FAIM: variants seen among roughly 807,000 people sequenced by gnomAD.
The protein encoded by FAIM is Fas apoptotic inhibitory molecule, also known as fas apoptotic inhibitory molecule 1.
A neutral mutation model predicts 21.2 loss-of-function variants in FAIM; 14 were observed. The observed-to-expected ratio is 0.66, with a 90% CI of 0.44 to 1.03. The LOEUF (loss-of-function observed/expected upper bound fraction) is 1.03, where lower values mean the gene tolerates loss of function less well. FAIM is among the 50% of genes least tolerant of loss of function. The pLI, the probability that FAIM is intolerant of heterozygous loss-of-function variation, is 0.00. For synonymous variants in FAIM, 86 were observed against 80.4 expected, an observed-to-expected ratio of 1.07 and a Z score of -0.37; for missense variants, 222 against 247.1, an observed-to-expected ratio of 0.90 and a Z score of 0.68.
chr3:138,625,965 C>T (rs2042934316), intron 4 of FAIM, among the ~76,000 whole-genome samples: 1 of 152,136 alleles, frequency 6.6e-6, no homozygotes, highest in African/African-American at 2.4e-5. Flanking sequence ...GTAGTCTCCA[C>T]ACCACTGAAT....
At chr3:138,632,253 C>T (rs2043013649) in intron 5 of FAIM, among the ~76,000 whole-genome samples, 1 of 151,116 alleles carries the variant, frequency 6.6e-6, no homozygotes, top group Non-Finnish European at 1.5e-5. Flanking sequence ...AATCAATATA[C>T]CAAAAATAGT....
intron 1 of FAIM, among the ~76,000 whole-genome samples, chr3:138,609,607 T>TCGA (rs1217242756): frequency 1.2e-4 from 10 of 84,176 alleles, no homozygotes; most frequent in African/African-American, 5.5e-4. Context: ...TCTCTCTCTC[T>TCGA]CTCTCGACTC....
chr3:138,621,155 A>G (rs2042880389), intron 2 of FAIM: 1 of 422,930 alleles, frequency 2.4e-6, no homozygotes, highest in South Asian at 2.7e-5. Context: ...TCTTAATCCT[A>G]TTAATATTAA....
chr3:138,610,851 G>C (rs1230969622), intron 1 of FAIM: 12 of 887,358 alleles, frequency 1.4e-5, no homozygotes, highest in Non-Finnish European at 2.0e-5. Context: ...CCAAAGTGCT[G>C]GGATTACGGG....
At position 138,622,744 on chromosome 3, in the gene FAIM, A is replaced by G. The variant is rs148671976; in HGVS notation, c.406+328A>G. 2.9e-3 allele frequency among the ~76,000 whole-genome samples: 437 copies of G among 152,108 alleles called. 1 individual carries two copies. The highest frequency in any genetic ancestry group is 9.9e-3 in the African/African-American group (411 of 41,544). On this transcript the variant is annotated intron_variant, in intron 4 of 5. Transcript: ENST00000360570. ...TGAGGATTATAAATTTAGGTTTTAA[A>G]AAAATGTAATATTGCCAGGCGCAGT...
At chr3:138,621,206 T>A in intron 2 of FAIM, 1 of 572,252 alleles carries the variant, frequency 1.7e-6, no homozygotes, top group Non-Finnish European at 3.1e-6. Flanking sequence ...TGTACCCATA[T>A]ATAGTAGTTG....
intron 2 of FAIM, among the ~76,000 whole-genome samples, 178 bp downstream of exon 2, chr3:138,619,948 C>T (rs1419911990): frequency 2.0e-5 from 3 of 152,172 alleles, no homozygotes; most frequent in East Asian, 3.8e-4. Context: ...TGGAGGTAGC[C>T]ACTAGAAACA....
chr3:138,618,408 TG>T (rs1227986908), intron 1 of FAIM, among the ~76,000 whole-genome samples: 1 of 152,206 alleles, frequency 6.6e-6, no homozygotes, highest in Non-Finnish European at 1.5e-5. Flanking sequence ...GGCTCATGCC[TG>T]TAATCCCAGC....
intron 1 of FAIM, among the ~76,000 whole-genome samples, chr3:138,609,543 T>TCTCTCTC (rs2042731936): frequency 5.5e-5 from 1 of 18,268 alleles, no homozygotes. Flanking sequence ...ACTCTCTCTC[T>TCTCTCTC]CTCTCTCTCT....
intron 4 of FAIM, among the ~76,000 whole-genome samples, chr3:138,628,773 G>A (rs1025330435): frequency 7.2e-5 from 11 of 152,010 alleles, no homozygotes; most frequent in Admixed American, 3.9e-4. Flanking sequence ...GTGAGCCACC[G>A]CGCCCGGCCT....
In FAIM at chr3:138,622,196, A is replaced by G; in HGVS notation, c.186A>G (p.Ile62Met). The G allele has an allele frequency of 6.2e-7, 1 of 1,602,476 alleles. No homozygotes were observed. Among genetic ancestry groups the G allele is most frequent in the Non-Finnish European group, 8.5e-7 (1 of 1,176,622 alleles). Residue 62 changes from isoleucine to methionine, a missense_variant, in exon 4 of 6, where the codon ATA becomes ATG. By Grantham distance (10) the Ile-to-Met change is conservative (BLOSUM62 1). Transcript: ENST00000360570. ...TCTGTTTTATTATGTAGGAAGAGAT[A>G]AGAAAAGAGTGGATGTTCAAATTAG... is the stretch of plus-strand genomic sequence containing the variant. ...RVVYVDGKEE[I>M]RKEWMFKLVG...
intron 1 of FAIM, chr3:138,611,151 T>C: frequency 1.2e-6 from 1 of 852,286 alleles, no homozygotes; most frequent in Non-Finnish European, 1.9e-6. Context: ...TAGAGATCTA[T>C]GTGACAGATA....
At chr3:138,628,509 G>C (rs1284468071) in intron 4 of FAIM, among the ~76,000 whole-genome samples, 2 of 150,084 alleles carry the variant, frequency 1.3e-5, no homozygotes, top group Admixed American at 1.3e-4. Flanking sequence ...TTTTGAGATG[G>C]AGTCTTTCTC....
chr3:138,629,332 G>A (rs936825632), intron 5 of FAIM, 176 bp downstream of exon 5: 7 of 503,686 alleles, frequency 1.4e-5, no homozygotes, highest in Non-Finnish European at 2.1e-5. Flanking sequence ...ATGGTGCCTG[G>A]TACCGTGAGT....
intron 1 of FAIM, among the ~76,000 whole-genome samples, chr3:138,613,569 G>A (rs755498031): frequency 3.9e-5 from 6 of 152,046 alleles, no homozygotes; most frequent in Non-Finnish European, 7.4e-5. Context: ...CTGCAGCCTT[G>A]ACCTCTCAGG....
chr3:138,622,237 T>G lies in FAIM; in HGVS notation c.227T>G (p.Phe76Cys), dbSNP rs1181304613. ...TTCAAATTAGTGGGCAAAGAAACAT[T>G]CTATGTTGGAGCTGCAAAGACAAAA... is the stretch of plus-strand genomic sequence containing the variant. Reference protein sequence around the residue: ...WMFKLVGKETFYVGAAKTKAT... With the variant: ...WMFKLVGKETCYVGAAKTKAT... The change falls in exon 4 of 6, where the codon TTC becomes TGC. Residue 76 changes from phenylalanine to cysteine, a missense_variant. Physicochemically the swap from Phe to Cys is radical, Grantham distance 205 (BLOSUM62 -2). Coordinates refer to ENST00000360570, the MANE Select transcript of FAIM (RefSeq NM_001033031.2). The G allele has an allele frequency of 6.2e-7, 1 of 1,613,650 alleles. No individual in the cohort carries two copies. Among genetic ancestry groups the G allele is most frequent in the African/African-American group, 1.3e-5 (1 of 75,018 alleles).
intron 5 of FAIM, among the ~76,000 whole-genome samples, chr3:138,631,410 T>C (rs1204503419): frequency 6.6e-6 from 1 of 152,194 alleles, no homozygotes; most frequent in East Asian, 1.9e-4. Context: ...AGCAAGACCC[T>C]GTCACACACA....
In FAIM at chr3:138,616,586, T is replaced by C. The variant is rs558498597; in HGVS notation, c.-16-3125T>C. Among the ~76,000 whole-genome samples the C allele has an allele frequency of 9.2e-5, 14 of 152,280 alleles. No individual in the cohort carries two copies. In the South Asian group the frequency reaches 1.9e-3, roughly 20 times the overall value. ...GTTGACCAGGCTGGTCTCGAGTTCCTGGCTTCAAATGATTCTCCTGTCTCA... is the reference window on the plus strand; with the variant it reads ...GTTGACCAGGCTGGTCTCGAGTTCCCGGCTTCAAATGATTCTCCTGTCTCA... On this transcript the variant is annotated intron_variant, in intron 1 of 5. Transcript: ENST00000360570.
rs1040313311 is a variant in FAIM, at chr3:138,629,099, C to G, written c.407-8C>G. On this transcript the variant is annotated splice_polypyrimidine_tract_variant and splice_region_variant and intron_variant, in intron 4 of 5. Transcript: ENST00000360570. ...TTATAACTTAAAGTTTTTATGTTAC[C>G]TTTACAGAAAAAGATGCTATGGACG... 3 of 1,595,874 alleles carry G rather than the reference C, an allele frequency of 1.9e-6. No homozygotes were observed. In the African/African-American group the frequency reaches 4.2e-5, roughly 22 times the overall value.
Sources: gnomAD v4.1 joint callset for allele counts (sites outside exome capture counted in the v4.1 genomes callset) on GRCh38, gnomAD v4.1.1 for gene constraint, MANE v1.5 for transcripts, NCBI Gene and HGNC (gene_info 2026-07-23, HGNC 2026-07-21) for gene names.